Variants in EIF2AK3 observed in about 807,000 individuals in gnomAD.
The protein encoded by EIF2AK3 is eukaryotic translation initiation factor 2 alpha kinase 3.
EIF2AK3 carries 50 observed loss-of-function variants against 113.5 expected under a neutral mutation model. The observed-to-expected ratio is 0.44, with a 90% CI of 0.35 to 0.56. The LOEUF (loss-of-function observed/expected upper bound fraction) is 0.56. Ranked by LOEUF, EIF2AK3 falls within the 20% of genes least tolerant of loss-of-function variation. The pLI is 0.00. For missense variants in EIF2AK3, 1,185 were observed against 1,378.0 expected (o/e 0.86, Z 2.22); for synonymous variants, 448 against 495.4 (o/e 0.90, Z 1.27).
intron 14 of EIF2AK3, among the ~76,000 whole-genome samples, chr2:88,565,716 T>G (rs1674098675): frequency 1.3e-5 from 2 of 152,214 alleles, no homozygotes. Flanking sequence ...AGATTAAAAT[T>G]CATTTGAAGT....
chr2:88,626,955 G>C lies in EIF2AK3; in HGVS notation c.308+12C>G. ...TAAACAAGTTGCCTCCCCCGGGTCG[G>C]CAGCCCCTCACCTGCCGCGCGGTCG... On this transcript the variant is annotated intron_variant, in intron 1 of 16. Transcript: ENST00000303236. 1 of 1,606,518 alleles carries C rather than the reference G, an allele frequency of 6.2e-7. No homozygotes were observed. Among genetic ancestry groups the C allele is most frequent in the Non-Finnish European group, 8.5e-7 (1 of 1,177,928 alleles).
intron 12 of EIF2AK3, 51 bp from the exon 13 acceptor site, chr2:88,575,497 A>G: frequency 1.3e-6 from 2 of 1,587,402 alleles, no homozygotes; most frequent in South Asian, 2.2e-5. Context: ...TATTGATTCA[A>G]GTACCTGAAC....
rs1558646426 is a variant in EIF2AK3, at chr2:88,571,052, T to G, written c.2818-11A>C. 1 of 1,614,030 alleles carries G rather than the reference T, an allele frequency of 6.2e-7. No individual in the cohort carries two copies. The highest frequency in any genetic ancestry group is 1.7e-5 in the Admixed American group (1 of 60,008). On this transcript the variant is annotated splice_polypyrimidine_tract_variant and intron_variant, in intron 13 of 16. Coordinates refer to ENST00000303236, the MANE Select transcript of EIF2AK3 (RefSeq NM_004836.7). ...GAATATGTTGGATGGCTGGAAAGAA[T>G]ACAACAGACAAAAGTACAGTGGGTG...
At chr2:88,590,251 A>C (rs924663262) in intron 6 of EIF2AK3, among the ~76,000 whole-genome samples, 192 bp downstream of exon 6, 1 of 152,148 alleles carries the variant, frequency 6.6e-6, no homozygotes, top group Non-Finnish European at 1.5e-5. Context: ...ACAACAAAAA[A>C]ATTTTCAGAA....
intron 15 of EIF2AK3, among the ~76,000 whole-genome samples, chr2:88,561,739 G>A (rs764569286): frequency 6.6e-6 from 1 of 152,052 alleles, no homozygotes; most frequent in Non-Finnish European, 1.5e-5. Context: ...CGTGCCTGTG[G>A]TCCCAGCTAC....
At chr2:88,615,818 T>TC (rs1421174733) in intron 1 of EIF2AK3, among the ~76,000 whole-genome samples, 3 of 152,124 alleles carry the variant, frequency 2.0e-5, no homozygotes, top group Middle Eastern at 3.2e-3. Context: ...CCTAATCTCT[T>TC]CCTCTCCTTC....
At chr2:88,567,440 C>T (rs1674166871) in intron 14 of EIF2AK3, among the ~76,000 whole-genome samples, 1 of 152,184 alleles carries the variant, frequency 6.6e-6, no homozygotes, top group Non-Finnish European at 1.5e-5. Context: ...GTACAAATCC[C>T]TATTCCCATC....
At position 88,576,669 on chromosome 2, in the gene EIF2AK3, T is replaced by TA; in HGVS notation, c.1920dup (p.Lys641Ter). 1 of 1,614,178 alleles carries TA rather than the reference T, an allele frequency of 6.2e-7. No individual in the cohort carries two copies. Among genetic ancestry groups the TA allele is most frequent in the Non-Finnish European group, 8.5e-7 (1 of 1,180,018 alleles). On this transcript the variant is annotated frameshift_variant, in exon 12 of 17. Transcript: ENST00000303236. LOFTEE classifies it high-confidence loss of function. The stretch of plus-strand genomic sequence containing the variant: ...GGGTGTTCAAGCTTGGCTAAGGCTT[T>TA]AACTTCTCGCATTACCTTTTCCCGA...
In EIF2AK3 at chr2:88,557,010, TGAA is replaced by T. The variant is rs1314323287; in HGVS notation, c.*723_*725del. Reference sequence around the variant, plus strand: ...TCATTAGGCTTAAAAAGTCCATAGTTGAAGAAGTTAGTTGTAATATATATGATC... The same window carrying T: ...TCATTAGGCTTAAAAAGTCCATAGTTGAAGTTAGTTGTAATATATATGATC... On this transcript the variant is annotated 3_prime_UTR_variant, in exon 17 of 17. Coordinates refer to ENST00000303236, the MANE Select transcript of EIF2AK3 (RefSeq NM_004836.7). The T allele has an allele frequency of 1.3e-5, 2 of 152,320 alleles. No individual in the cohort carries two copies. Among genetic ancestry groups the T allele is most frequent in the Non-Finnish European group, 1.5e-5 (1 of 68,046 alleles). The allele number at this position is 152,320 out of a possible 1,614,324, so 9.4% of individuals were successfully genotyped here.
At position 88,627,211 on chromosome 2, in the gene EIF2AK3, C is replaced by CCAG. The variant is rs1805190; in HGVS notation, c.61_63dup (p.Leu21dup). 393 of 1,430,090 alleles carry CCAG rather than the reference C, an allele frequency of 2.7e-4. No individual in the cohort carries two copies. The highest frequency in any genetic ancestry group is 1.6e-3 in the South Asian group (119 of 75,348). The allele number at this position is 1,430,090 out of a possible 1,614,324, so 88.6% of individuals were successfully genotyped here. ...GCGGCCACCGTCCTTGCCGCGAGCC[C>CCAG]CAGCAGCAGCAGCAGCAGCAGCAGC... On this transcript the variant is annotated inframe_insertion, in exon 1 of 17. Coordinates refer to ENST00000303236, the MANE Select transcript of EIF2AK3 (RefSeq NM_004836.7).
rs1674285223 is a variant in EIF2AK3 at position 88,570,811 on chromosome 2, TGAGAA to T, written c.2985+58_2985+62del. ...ATTACTGGGTATTTTAATGAAAACA[TGAGAA>T]GAGATTCATCAGGTACATCTGCTGC... is the stretch of plus-strand genomic sequence containing the variant. On this transcript the variant is annotated intron_variant, in intron 14 of 16. Coordinates refer to ENST00000303236, the MANE Select transcript of EIF2AK3 (RefSeq NM_004836.7). 1.1e-5 allele frequency: 18 copies of T among 1,593,160 alleles called. No individual in the cohort carries two copies. The Middle Eastern group carries it at 1.8e-3, about 162-fold the overall frequency.
chr2:88,574,078 T>A (rs1353329470), intron 13 of EIF2AK3, among the ~76,000 whole-genome samples: 1 of 152,242 alleles, frequency 6.6e-6, no homozygotes, highest in Non-Finnish European at 1.5e-5. Flanking sequence ...ATCCAAGGTT[T>A]TAGAGCTGTA....
In EIF2AK3 at chr2:88,583,410, GTATT is replaced by G. The variant is rs1674643509; in HGVS notation, c.1763+16_1763+19del. ...CATTTCTTCTTTGATTCAGATGGTT[GTATT>G]TTATAAGACTCTTACCGTGATATAT... On this transcript the variant is annotated intron_variant, in intron 10 of 16. Coordinates refer to ENST00000303236, the MANE Select transcript of EIF2AK3 (RefSeq NM_004836.7). 6.4e-7 allele frequency: 1 copy of G among 1,565,232 alleles called. No individual in the cohort carries two copies. The highest frequency in any genetic ancestry group is 8.8e-7 in the Non-Finnish European group (1 of 1,137,758).
At chr2:88,559,520 G>GTGTA in intron 15 of EIF2AK3, among the ~76,000 whole-genome samples, 1 of 150,760 alleles carries the variant, frequency 6.6e-6, no homozygotes, top group African/African-American at 2.4e-5. Context: ...CTGTGTGTGT[G>GTGTA]TGTGTGTGTG....
chr2:88,590,323 A>G (rs1467643684), intron 6 of EIF2AK3, 120 bp downstream of exon 6: 2 of 990,196 alleles, frequency 2.0e-6, no homozygotes, highest in Non-Finnish European at 3.2e-6. Flanking sequence ...GGCAACGTAC[A>G]TCAGAGATGA....
intron 1 of EIF2AK3, among the ~76,000 whole-genome samples, chr2:88,615,215 G>A (rs1008779897): frequency 1.3e-5 from 2 of 152,052 alleles, no homozygotes; most frequent in Non-Finnish European, 2.9e-5. Context: ...CCCATCTACC[G>A]CCAACACCTC....
rs547081434 is a variant in EIF2AK3 at position 88,562,765 on chromosome 2, A to C, written c.2986-375T>G. 2.9e-4 allele frequency among the ~76,000 whole-genome samples: 44 copies of C among 152,344 alleles called. 1 individual carries two copies. The South Asian group carries it at 8.5e-3, about 29-fold the overall frequency. On this transcript the variant is annotated intron_variant, in intron 14 of 16. Transcript: ENST00000303236. ...TATCTAAAGCAAATCTTTCATTTCT[A>C]ATCATCTTAGTCCTAACCCATTTTT...
intron 2 of EIF2AK3, among the ~76,000 whole-genome samples, chr2:88,606,579 T>G (rs1285545742): frequency 2.0e-5 from 3 of 152,202 alleles, no homozygotes; most frequent in African/African-American, 7.2e-5. Flanking sequence ...ATGTGCTAGT[T>G]TGCGTGCAAA....
intron 2 of EIF2AK3, among the ~76,000 whole-genome samples, chr2:88,604,718 G>A (rs374280174): frequency 9.3e-4 from 142 of 152,236 alleles, no homozygotes; most frequent in African/African-American, 3.3e-3. Context: ...AAGTTTTGGT[G>A]CCTGTGACTA....
Sources: allele counts gnomAD v4.1 joint callset (sites outside exome capture counted in the v4.1 genomes callset), GRCh38; gene constraint gnomAD v4.1.1; transcripts MANE v1.5; gene names NCBI Gene and HGNC (gene_info 2026-07-23, HGNC 2026-07-21).